The following WDR88 variants were observed in gnomAD, a reference collection of about 807,000 sequenced individuals.
WDR88 encodes WD repeat-containing protein 88.
WDR88 carries 40 observed loss-of-function variants against 46.8 expected under a neutral mutation model. That is an observed-to-expected ratio of 0.86 (90% CI 0.66 to 1.11). WDR88 has a LOEUF of 1.11. Ranked by LOEUF, WDR88 falls within the 50% of genes most tolerant of loss-of-function variation. The probability of loss-of-function intolerance (pLI) is 0.00; values close to 1 mark genes in which losing one functional copy is unlikely to be tolerated. For missense variants in WDR88, 562 were observed against 602.4 expected (o/e 0.93, Z 0.70); for synonymous variants, 235 against 240.7 (o/e 0.98, Z 0.22).
chr19:33,158,521 AT>A (rs775729658), intron 7 of WDR88, among the ~76,000 whole-genome samples: 1 of 152,184 alleles, frequency 6.6e-6, no homozygotes, highest in Non-Finnish European at 1.5e-5. Flanking sequence ...ACTTGCTGAT[AT>A]TTATTTGTAA....
At chr19:33,137,952 A>G (rs1479827716) in intron 2 of WDR88, among the ~76,000 whole-genome samples, 165 bp downstream of exon 2, 1 of 152,148 alleles carries the variant, frequency 6.6e-6, no homozygotes, top group Non-Finnish European at 1.5e-5. Flanking sequence ...AGCCCAGCCT[A>G]GACGAAGTTA....
In WDR88 at chr19:33,145,382, G is replaced by A. The variant is rs529489916; in HGVS notation, c.476+450G>A. The stretch of plus-strand genomic sequence containing the variant: ...TGCCCAGGCTGGTCTCAAACTCCTA[G>A]GCTCAAACAATCCTGCCTTGGCATC... On this transcript the variant is annotated intron_variant, in intron 3 of 10. Transcript: ENST00000355868. Among the ~76,000 whole-genome samples, 3 of 151,560 alleles carry A rather than the reference G, an allele frequency of 2.0e-5. No individual in the cohort carries two copies. In the South Asian group the frequency reaches 6.3e-4, roughly 32 times the overall value.
intron 10 of WDR88, chr19:33,174,885 T>C (rs1311681819): frequency 1.0e-6 from 1 of 985,108 alleles, no homozygotes; most frequent in African/African-American, 1.8e-5. Context: ...TAGCCATTGG[T>C]GGGGAAGCAG....
intron 8 of WDR88, 73 bp from the exon 9 acceptor site, chr19:33,164,124 C>A: frequency 2.1e-6 from 3 of 1,459,840 alleles, no homozygotes; most frequent in Non-Finnish European, 2.9e-6. Context: ...TGAGCCACTA[C>A]ACCCAGCTTG....
intron 7 of WDR88, 140 bp from the exon 8 acceptor site, chr19:33,160,274 G>A (rs564768547): frequency 1.6e-4 from 133 of 832,934 alleles, no homozygotes; most frequent in African/African-American, 1.5e-3. Flanking sequence ...GCTTGGGGTC[G>A]TGGAGCCACT....
chr19:33,140,800 AG>A (rs2145368533), intron 2 of WDR88, among the ~76,000 whole-genome samples: 1 of 151,468 alleles, frequency 6.6e-6, no homozygotes, highest in South Asian at 2.1e-4. Flanking sequence ...AAAAAAAAAA[AG>A]AAAAGACATA....
chr19:33,158,265 T>C (rs919194681), intron 7 of WDR88, among the ~76,000 whole-genome samples: 7 of 152,018 alleles, frequency 4.6e-5, no homozygotes, highest in African/African-American at 1.7e-4. Context: ...TCTGGGCAAC[T>C]TTCCCTCTTC....
At chr19:33,153,888 T>C (rs1303759006) in intron 6 of WDR88, among the ~76,000 whole-genome samples, 3 of 152,222 alleles carry the variant, frequency 2.0e-5, no homozygotes, top group African/African-American at 7.2e-5. Context: ...ATTTTTGTTG[T>C]CCTTAGTTTT....
At chr19:33,143,741 A>AAAC (rs1437556228) in intron 2 of WDR88, among the ~76,000 whole-genome samples, 2 of 152,158 alleles carry the variant, frequency 1.3e-5, no homozygotes, top group African/African-American at 4.8e-5. Context: ...AGAAAGAAAA[A>AAAC]AACTCATCTT....
intron 5 of WDR88, 104 bp from the exon 6 acceptor site, chr19:33,151,077 G>A: frequency 7.4e-7 from 1 of 1,344,756 alleles, no homozygotes; most frequent in South Asian, 1.4e-5. Context: ...GATGAAAACT[G>A]GAATTGTGTT....
chr19:33,173,647 T>G (rs575372804), intron 10 of WDR88, among the ~76,000 whole-genome samples: 2 of 152,316 alleles, frequency 1.3e-5, no homozygotes, highest in South Asian at 4.1e-4. Context: ...GTGTGAGGGG[T>G]GGGACTCACA....
At chr19:33,163,539 A>C (rs527834904) in intron 8 of WDR88, among the ~76,000 whole-genome samples, 15 of 152,254 alleles carry the variant, frequency 9.9e-5, no homozygotes, top group Admixed American at 2.0e-4. Context: ...ACAACAACAA[A>C]AAAAATAGAA....
chr19:33,164,124 C>T, intron 8 of WDR88, 73 bp from the exon 9 acceptor site: 2 of 1,459,848 alleles, frequency 1.4e-6, no homozygotes, highest in South Asian at 1.1e-5. Flanking sequence ...TGAGCCACTA[C>T]ACCCAGCTTG....
In WDR88 at chr19:33,156,557, T is replaced by A. The variant is rs756772481; in HGVS notation, c.997+15T>A. On this transcript the variant is annotated intron_variant, in intron 7 of 10. Coordinates refer to ENST00000355868, the MANE Select transcript of WDR88 (RefSeq NM_173479.4). ...TGCCAGAGACAGTGAGTAATTAACATGCAGAAGGCCTCCATTCCTGTGGGA... is the reference window on the plus strand; with the variant it reads ...TGCCAGAGACAGTGAGTAATTAACAAGCAGAAGGCCTCCATTCCTGTGGGA... 33 of 1,607,198 alleles carry A rather than the reference T, an allele frequency of 2.1e-5. No homozygotes were observed. The highest frequency in any genetic ancestry group is 2.7e-5 in the Non-Finnish European group (32 of 1,176,036).
chr19:33,133,210 G>GAGAGAGAGAA (rs796439243), intron 1 of WDR88, among the ~76,000 whole-genome samples: 21 of 147,962 alleles, frequency 1.4e-4, no homozygotes, highest in African/African-American at 4.5e-4. Context: ...GAGAGAGAGA[G>GAGAGAGAGAA]AGAAAGAAAG....
chr19:33,138,973 T>G (rs1973334544), intron 2 of WDR88, among the ~76,000 whole-genome samples: 1 of 152,124 alleles, frequency 6.6e-6, no homozygotes, highest in Non-Finnish European at 1.5e-5. Flanking sequence ...TGAGCCACTG[T>G]GCCCGGCCAC....
intron 2 of WDR88, among the ~76,000 whole-genome samples, chr19:33,139,223 G>A (rs1345018386): frequency 6.6e-6 from 1 of 152,248 alleles, no homozygotes; most frequent in Non-Finnish European, 1.5e-5. Flanking sequence ...AGGGGCACCG[G>A]GGATGGGGCT....
Position 33,147,682 on chromosome 19 carries a change from T to C in WDR88, c.514T>C (p.Trp172Arg), listed in dbSNP as rs1973547431. The C allele has an allele frequency of 1.2e-6, 2 of 1,614,004 alleles. No individual in the cohort carries two copies. Among genetic ancestry groups the C allele is most frequent in the Non-Finnish European group, 1.7e-6 (2 of 1,179,936 alleles). ...AASYDKTVRAWDLETGKLLWK... is the reference protein window; with the variant it reads ...AASYDKTVRARDLETGKLLWK... The stretch of plus-strand genomic sequence containing the variant: ...ATCCTATGATAAGACAGTGAGGGCC[T>C]GGGACCTGGAGACAGGCAAGCTGCT... Residue 172 changes from tryptophan (W) to arginine (R), a missense_variant, in exon 4 of 11, where the codon TGG (tryptophan) becomes CGG (arginine). Physicochemically the swap from Trp to Arg is moderately radical, Grantham distance 101. Transcript: ENST00000355868.
intron 9 of WDR88, among the ~76,000 whole-genome samples, chr19:33,170,112 G>A (rs1310511261): frequency 6.6e-6 from 1 of 151,994 alleles, no homozygotes; most frequent in Non-Finnish European, 1.5e-5. Context: ...CTCGACCTCA[G>A]GTGATCCACC....
Sources: gnomAD v4.1 joint callset for allele counts (sites outside exome capture counted in the v4.1 genomes callset) on GRCh38, gnomAD v4.1.1 for gene constraint, MANE v1.5 for transcripts, NCBI Gene and HGNC (gene_info 2026-07-23, HGNC 2026-07-21) for gene names.